Variants in MTMR12 observed in about 807,000 individuals in gnomAD.
The protein encoded by MTMR12 is myotubularin-related protein 12.
In MTMR12, 33 loss-of-function variants were observed where a neutral mutation model predicts 96.7. The ratio of observed to expected loss-of-function variants is 0.34; its 90% confidence interval spans 0.26 to 0.46. MTMR12 has a LOEUF of 0.46. Among genes scored for constraint, MTMR12 ranks in the 20% least tolerant of loss-of-function variants. The probability of loss-of-function intolerance (pLI) is 1.00; values close to 1 mark genes in which losing one functional copy is unlikely to be tolerated. For synonymous variants in MTMR12, 298 were observed against 327.2 expected (o/e 0.91, Z 0.96); for missense variants, 721 against 896.1 (o/e 0.80, Z 2.49).
At chr5:32,286,287 G>A (rs78342824) in intron 1 of MTMR12, among the ~76,000 whole-genome samples, 2,215 of 152,318 alleles carry the variant, frequency 0.015, 35 homozygotes, top group East Asian at 0.07. Context: ...GCTGCAGTGA[G>A]CTGTGATTAT....
chr5:32,246,170 G>GTTTTTTTTTTGTTGT (rs1554056248), intron 10 of MTMR12, among the ~76,000 whole-genome samples: 3 of 82,772 alleles, frequency 3.6e-5, no homozygotes, highest in Non-Finnish European at 8.0e-5. Context: ...TGAGTAGACA[G>GTTTTTTTTTTGTTGT]TTTTTTTTTT....
chr5:32,299,098 C>T (rs1751036525), intron 1 of MTMR12, among the ~76,000 whole-genome samples: 1 of 152,060 alleles, frequency 6.6e-6, no homozygotes, highest in South Asian at 2.1e-4. Flanking sequence ...CACACACACA[C>T]ACATACCTGC....
chr5:32,270,808 A>T lies in MTMR12; in HGVS notation c.489+9T>A. The T allele has an allele frequency of 1.3e-6, 2 of 1,599,684 alleles. No individual in the cohort carries two copies. Among genetic ancestry groups the T allele is most frequent in the Non-Finnish European group, 1.7e-6 (2 of 1,174,964 alleles). ...GAAATAAAACCTAAAAACACATGCA[A>T]CTAGTTACCCTTTTGACTTCCTCTT... On this transcript the variant is annotated intron_variant, in intron 5 of 15. Coordinates refer to ENST00000382142, the MANE Select transcript of MTMR12 (RefSeq NM_001040446.3).
In MTMR12 at chr5:32,312,645, G is replaced by A. The variant is rs980403032; in HGVS notation, c.81+113C>T. 9.0e-6 allele frequency: 9 copies of A among 1,005,044 alleles called. No homozygotes were observed. The East Asian group carries it at 1.5e-4, about 17-fold the overall frequency. 62.3% of individuals were successfully genotyped at this position (1,005,044 alleles called of 1,614,324 possible). On this transcript the variant is annotated intron_variant, in intron 1 of 15. Transcript: ENST00000382142. This position sits in a 1 kb window ranked among gnomAD's most constrained non-coding sequence, Gnocchi z 5.0. ...AGCCCGCCTGGCTGCCCCGTCGCCC[G>A]GCACAAGGGCAGGAAGCGCTCCGCG... is the stretch of plus-strand genomic sequence containing the variant.
At chr5:32,293,343 T>C (rs1040295366) in intron 1 of MTMR12, among the ~76,000 whole-genome samples, 1 of 151,950 alleles carries the variant, frequency 6.6e-6, no homozygotes. Flanking sequence ...CCAGTGAATA[T>C]AAAGCAGGCA....
At position 32,228,770 on chromosome 5, in the gene MTMR12, T is replaced by C. The variant is rs1561728202; in HGVS notation, c.*1008A>G. 6.6e-6 allele frequency: 1 copy of C among 151,732 alleles called. No individual in the cohort carries two copies. Among genetic ancestry groups the C allele is most frequent in the Non-Finnish European group, 1.5e-5 (1 of 67,930 alleles). 9.4% of individuals were successfully genotyped at this position (151,732 alleles called of 1,614,324 possible). ...TTCTGATATTTATGTTTAAGCTGCT[T>C]TCCTATGAAAGCCACATTCAAAAGT... On this transcript the variant is annotated 3_prime_UTR_variant, in exon 16 of 16. Transcript: ENST00000382142.
At chr5:32,245,350 T>C (rs1292322245) in intron 10 of MTMR12, among the ~76,000 whole-genome samples, 1 of 152,158 alleles carries the variant, frequency 6.6e-6, no homozygotes, top group Non-Finnish European at 1.5e-5. Flanking sequence ...TTAAGGATTT[T>C]TTAAGATTAG....
At chr5:32,300,002 C>A (rs1328544119) in intron 1 of MTMR12, among the ~76,000 whole-genome samples, 1 of 152,130 alleles carries the variant, frequency 6.6e-6, no homozygotes, top group African/African-American at 2.4e-5. Flanking sequence ...TGCTCTGTGC[C>A]CCCAGAGCAC....
intron 2 of MTMR12, among the ~76,000 whole-genome samples, chr5:32,274,560 G>C (rs1749976160): frequency 6.6e-6 from 1 of 152,142 alleles, no homozygotes; most frequent in Non-Finnish European, 1.5e-5. Flanking sequence ...CCACTTTCCT[G>C]TGAGAGGGGG....
At chr5:32,255,799 TACA>T in intron 7 of MTMR12, 31 bp from the exon 8 acceptor site, 1 of 1,556,282 alleles carries the variant, frequency 6.4e-7, no homozygotes, top group Non-Finnish European at 8.8e-7. Context: ...CAAGTTTTAG[TACA>T]ACACTTAATT....
chr5:32,245,013 T>A (rs967449129), intron 10 of MTMR12, among the ~76,000 whole-genome samples: 1 of 151,014 alleles, frequency 6.6e-6, no homozygotes, highest in African/African-American at 2.4e-5. Flanking sequence ...AAAAAAAAAA[T>A]GTGTTCCCTT....
chr5:32,250,598 G>A (rs550294171), intron 8 of MTMR12, among the ~76,000 whole-genome samples: 1 of 152,326 alleles, frequency 6.6e-6, no homozygotes, highest in African/African-American at 2.4e-5. Context: ...AGTTGGCGCA[G>A]CTCACTTGGA....
intron 1 of MTMR12, among the ~76,000 whole-genome samples, chr5:32,277,996 C>T (rs1367481109): frequency 6.6e-6 from 1 of 152,164 alleles, no homozygotes; most frequent in South Asian, 2.1e-4. Context: ...AACAGAGAAT[C>T]AAGGCCAGTT....
At chr5:32,249,103 A>C (rs913141301) in intron 8 of MTMR12, among the ~76,000 whole-genome samples, 1 of 152,238 alleles carries the variant, frequency 6.6e-6, no homozygotes, top group Non-Finnish European at 1.5e-5. Context: ...CTTATGGTCT[A>C]ACATATACCT....
chr5:32,229,374 C>T lies in MTMR12; in HGVS notation c.*404G>A, dbSNP rs1206476768. 1 of 159,762 alleles carries T rather than the reference C, an allele frequency of 6.3e-6. No individual in the cohort carries two copies. Among genetic ancestry groups the T allele is most frequent in the Non-Finnish European group, 1.4e-5 (1 of 73,136 alleles). 9.9% of individuals were successfully genotyped at this position (159,762 alleles called of 1,614,324 possible). ...TTGCTTCTATAATTGAGATGGGTTACACAGAAACTTACTATTCCCAATGAC... is the reference window on the plus strand; with the variant it reads ...TTGCTTCTATAATTGAGATGGGTTATACAGAAACTTACTATTCCCAATGAC... On this transcript the variant is annotated 3_prime_UTR_variant, in exon 16 of 16. Transcript: ENST00000382142.
Position 32,228,556 on chromosome 5 carries a change from GATAT to G in MTMR12, c.*1218_*1221del, listed in dbSNP as rs201902531. The stretch of plus-strand genomic sequence containing the variant: ...TATGATATATATATCATATATATGT[GATAT>G]ATATATATCATATATATATCATATA... On this transcript the variant is annotated 3_prime_UTR_variant, in exon 16 of 16. Transcript: ENST00000382142. 10 of 122,764 alleles carry G rather than the reference GATAT, an allele frequency of 8.1e-5. No homozygotes were observed. In the East Asian group the frequency reaches 1.6e-3, roughly 19 times the overall value. 7.6% of individuals were successfully genotyped at this position (122,764 alleles called of 1,614,324 possible).
intron 1 of MTMR12, among the ~76,000 whole-genome samples, chr5:32,297,673 T>C (rs1418038272): frequency 6.6e-6 from 1 of 152,176 alleles, no homozygotes; most frequent in Admixed American, 6.6e-5. Flanking sequence ...CATTTATGAT[T>C]CTTAGCAAGG....
At chr5:32,258,423 G>A (rs1749225092) in intron 7 of MTMR12, among the ~76,000 whole-genome samples, 1 of 152,310 alleles carries the variant, frequency 6.6e-6, no homozygotes, top group Non-Finnish European at 1.5e-5. Flanking sequence ...AATCAAGTGG[G>A]AAGATTAAAA....
chr5:32,256,108 G>T (rs1749121596), intron 7 of MTMR12, among the ~76,000 whole-genome samples: 1 of 152,082 alleles, frequency 6.6e-6, no homozygotes, highest in Non-Finnish European at 1.5e-5. Context: ...TGGGAGTATT[G>T]TTCTCATATA....
Sources: gnomAD v4.1 joint callset for allele counts (sites outside exome capture counted in the v4.1 genomes callset) on GRCh38, gnomAD v4.1.1 for gene constraint, Gnocchi (gnomAD v3.1) non-coding constraint, MANE v1.5 for transcripts, NCBI Gene and HGNC (gene_info 2026-07-23, HGNC 2026-07-21) for gene names.